Variants in ARHGEF26 observed in about 807,000 individuals in gnomAD.
ARHGEF26 encodes the protein Rho guanine nucleotide exchange factor (GEF) 26.
A neutral mutation model predicts 89.4 loss-of-function variants in ARHGEF26; 59 were observed. The observed-to-expected ratio is 0.66, with a 90% CI of 0.54 to 0.82. The LOEUF (loss-of-function observed/expected upper bound fraction) is 0.82, where lower values mean the gene tolerates loss of function less well. Among genes scored for constraint, ARHGEF26 ranks in the 40% least tolerant of loss-of-function variants. The probability of loss-of-function intolerance (pLI) is 0.00; values close to 1 mark genes in which losing one functional copy is unlikely to be tolerated. For synonymous variants in ARHGEF26, 500 were observed against 428.4 expected (o/e 1.17, Z -2.06); for missense variants, 1,234 against 1,085.6 (o/e 1.14, Z -1.92).
rs1446248611 is a variant in ARHGEF26 at position 154,172,178 on chromosome 3, C to G, written c.1488-15507C>G. Among the ~76,000 whole-genome samples, 6 of 152,194 alleles carry G rather than the reference C, an allele frequency of 3.9e-5. No homozygotes were observed. In the East Asian group the frequency reaches 1.2e-3, roughly 29 times the overall value. ...GTAAAAAGGATACACTTTTGGAACTCTGGAGTCATGGCATGGCCCCTGTGC... is the reference window on the plus strand; with the variant it reads ...GTAAAAAGGATACACTTTTGGAACTGTGGAGTCATGGCATGGCCCCTGTGC... On this transcript the variant is annotated intron_variant, in intron 6 of 14. Coordinates refer to ENST00000465093, the MANE Select transcript of ARHGEF26 (RefSeq NM_015595.4).
chr3:154,160,417 G>A (rs1711586955), intron 6 of ARHGEF26, among the ~76,000 whole-genome samples: 1 of 152,156 alleles, frequency 6.6e-6, no homozygotes, highest in South Asian at 2.1e-4. Context: ...AATTGAACAG[G>A]AGGCCAGTTA....
chr3:154,212,916 C>A (rs1005877178), intron 9 of ARHGEF26, among the ~76,000 whole-genome samples: 1 of 152,114 alleles, frequency 6.6e-6, no homozygotes, highest in African/African-American at 2.4e-5. Flanking sequence ...CTAAGTTGTG[C>A]TCCATTGAAC....
intron 6 of ARHGEF26, among the ~76,000 whole-genome samples, chr3:154,177,282 A>G (rs757704119): frequency 1.3e-5 from 2 of 152,212 alleles, no homozygotes; most frequent in Non-Finnish European, 2.9e-5. Context: ...GATATGAAAC[A>G]TTTGACCCTT....
At chr3:154,166,195 C>G (rs952190780) in intron 6 of ARHGEF26, among the ~76,000 whole-genome samples, 1 of 152,096 alleles carries the variant, frequency 6.6e-6, no homozygotes, top group Non-Finnish European at 1.5e-5. Flanking sequence ...GGACTACAGG[C>G]ACATGCCACC....
intron 9 of ARHGEF26, among the ~76,000 whole-genome samples, chr3:154,206,096 T>C (rs968386280): frequency 2.0e-5 from 3 of 152,192 alleles, no homozygotes; most frequent in African/African-American, 7.2e-5. Context: ...ATGCCTCAGC[T>C]TTTGTTTGTC....
intron 12 of ARHGEF26, among the ~76,000 whole-genome samples, chr3:154,251,798 CATGGTA>C (rs1275630987): frequency 6.6e-6 from 1 of 152,068 alleles, no homozygotes; most frequent in Non-Finnish European, 1.5e-5. Flanking sequence ...ATAGAAATTC[CATGGTA>C]ATGGAAAACA....
rs543218824 is a variant in ARHGEF26 at position 154,191,129 on chromosome 3, C to T, written c.1641-160C>T. Among the ~76,000 whole-genome samples, 69 of 152,242 alleles carry T rather than the reference C, an allele frequency of 4.5e-4. 2 individuals carry two copies. Among genetic ancestry groups the T allele is most frequent in the African/African-American group, 1.5e-3 (63 of 41,540 alleles). ...GAATATAAAAGGCAGACAAGCCATTCGTATTTGCCAGTGTAATTATGTGCT... is the reference window on the plus strand; with the variant it reads ...GAATATAAAAGGCAGACAAGCCATTTGTATTTGCCAGTGTAATTATGTGCT... On this transcript the variant is annotated intron_variant, in intron 7 of 14. Transcript: ENST00000465093.
intron 6 of ARHGEF26, among the ~76,000 whole-genome samples, chr3:154,174,490 G>T (rs1332824799): frequency 6.6e-6 from 1 of 152,122 alleles, no homozygotes; most frequent in South Asian, 2.1e-4. Context: ...TCCTCAGAGA[G>T]CCTCTCTACA....
At chr3:154,166,206 A>G (rs569218709) in intron 6 of ARHGEF26, among the ~76,000 whole-genome samples, 2 of 151,944 alleles carry the variant, frequency 1.3e-5, no homozygotes, top group Non-Finnish European at 2.9e-5. Flanking sequence ...ACATGCCACC[A>G]TGCCTGGCTA....
intron 11 of ARHGEF26, among the ~76,000 whole-genome samples, chr3:154,230,750 C>T (rs1272249186): frequency 6.6e-6 from 1 of 152,036 alleles, no homozygotes; most frequent in Non-Finnish European, 1.5e-5. Flanking sequence ...AGCTTGAGCC[C>T]TGGTTACAAC....
chr3:154,143,149 A>G (rs957869337), intron 4 of ARHGEF26, among the ~76,000 whole-genome samples: 24 of 152,212 alleles, frequency 1.6e-4, no homozygotes, highest in African/African-American at 5.8e-4. Flanking sequence ...TTGCAAAGCC[A>G]AGACATGTTT....
At chr3:154,223,871 A>G (rs1716294052) in intron 10 of ARHGEF26, among the ~76,000 whole-genome samples, 1 of 152,206 alleles carries the variant, frequency 6.6e-6, no homozygotes, top group South Asian at 2.1e-4. Context: ...TTATCTCAAC[A>G]TTAAAAAAAT....
intron 12 of ARHGEF26, among the ~76,000 whole-genome samples, chr3:154,243,491 A>C (rs1450627591): frequency 6.6e-6 from 1 of 152,194 alleles, no homozygotes; most frequent in African/African-American, 2.4e-5. Flanking sequence ...CGCCAAGGCT[A>C]GATCCTTTCC....
At chr3:154,139,328 G>A (rs1719215159) in intron 4 of ARHGEF26, among the ~76,000 whole-genome samples, 1 of 152,078 alleles carries the variant, frequency 6.6e-6, no homozygotes. Context: ...TATCAATCTT[G>A]TACTTTTAAA....
intron 11 of ARHGEF26, among the ~76,000 whole-genome samples, chr3:154,239,470 C>T (rs1576818297): frequency 6.6e-6 from 1 of 151,882 alleles, no homozygotes; most frequent in African/African-American, 2.4e-5. Context: ...AGCTTCAAAG[C>T]TGATGATGTT....
chr3:154,233,712 A>G (rs72994643), intron 11 of ARHGEF26, among the ~76,000 whole-genome samples: 9 of 152,354 alleles, frequency 5.9e-5, no homozygotes, highest in African/African-American at 1.9e-4. Flanking sequence ...CAGTGTCACT[A>G]GATTCTGTAT....
At position 154,194,670 on chromosome 3, in the gene ARHGEF26, C is replaced by G. The variant is rs1246654371; in HGVS notation, c.1797C>G (p.Asp599Glu). The G allele has an allele frequency of 1.9e-6, 3 of 1,612,478 alleles. No homozygotes were observed. The highest frequency in any genetic ancestry group is 2.5e-6 in the Non-Finnish European group (3 of 1,179,360). Residue 599 changes from aspartate to glutamate, a missense_variant, in exon 9 of 15, where the codon GAC (aspartate) becomes GAG (glutamate). Transcript: ENST00000465093. ...MDTICQKTPK[D>E]SPKYEVCKRA... ...CTATCTGTCAAAAAACACCTAAGGA[C>G]TCTCCGAAGTATGAAGTCTGCAAAA...
chr3:154,149,109 C>G (rs1481429098), intron 4 of ARHGEF26, among the ~76,000 whole-genome samples: 1 of 152,110 alleles, frequency 6.6e-6, no homozygotes, highest in Admixed American at 6.5e-5. Flanking sequence ...TTGTTACCCC[C>G]ATCTGTGAAA....
At chr3:154,225,554 G>T (rs1716430170) in intron 10 of ARHGEF26, among the ~76,000 whole-genome samples, 1 of 151,964 alleles carries the variant, frequency 6.6e-6, no homozygotes, top group South Asian at 2.1e-4. Context: ...TTCTTTTTCA[G>T]TTAAGAGTTA....
Sources: gnomAD v4.1 joint callset for allele counts (sites outside exome capture counted in the v4.1 genomes callset) on GRCh38, gnomAD v4.1.1 for gene constraint, MANE v1.5 for transcripts, NCBI Gene and HGNC (gene_info 2026-07-23, HGNC 2026-07-21) for gene names.